The following HPS4 variants were observed in gnomAD, a reference collection of about 807,000 sequenced individuals.
The protein encoded by HPS4 is BLOC-3 complex member HPS4.
HPS4 carries 44 observed loss-of-function variants against 70.3 expected under a neutral mutation model. That is an observed-to-expected ratio of 0.63 (90% CI 0.49 to 0.80). HPS4 has a LOEUF of 0.80. Ranked by LOEUF, HPS4 falls within the 30% of genes least tolerant of loss-of-function variation. The pLI is 0.00. For synonymous variants in HPS4, 377 were observed against 355.9 expected, an observed-to-expected ratio of 1.06 and a Z score of -0.67; for missense variants, 873 against 884.4, an observed-to-expected ratio of 0.99 and a Z score of 0.16.
At chr22:26,443,352 G>A (rs745749553), downstream of HPS4, 222 of 648,640 alleles carry the variant, frequency 3.4e-4, 3 homozygotes, top group Middle Eastern at 6.2e-4. Flanking sequence ...ATATCATGTC[G>A]GGTCCCTCTT....
intron 7 of HPS4, among the ~76,000 whole-genome samples, chr22:26,469,381 G>A (rs777480059): frequency 4.9e-4 from 75 of 151,934 alleles, no homozygotes; most frequent in Non-Finnish European, 9.7e-4. Context: ...CCAAGAGGTC[G>A]AGGCTGTAGT....
At position 26,452,038 on chromosome 22, in the gene HPS4, A is replaced by C; in HGVS notation, c.*1195T>G. The C allele has an allele frequency of 3.2e-6, 1 of 317,434 alleles. No individual in the cohort carries two copies. The highest frequency in any genetic ancestry group is 2.3e-5 in the African/African-American group (1 of 42,844). The allele number at this position is 317,434 out of a possible 1,614,324, so 19.7% of individuals were successfully genotyped here. On this transcript the variant is annotated 3_prime_UTR_variant, in exon 14 of 14. Transcript: ENST00000398145. ...CACACACACACACACACACACACAC[A>C]CACACTGTCTTAACCCTTACCTTTG...
At chr22:26,483,800 C>T, upstream of HPS4, 1 of 1,052,400 alleles carries the variant, frequency 9.5e-7, no homozygotes, top group African/African-American at 1.7e-5. Flanking sequence ...GGTCACGCGC[C>T]GCCCCGCCTA....
chr22:26,443,406 T>G (rs1346477101), downstream of HPS4: 1 of 543,864 alleles, frequency 1.8e-6, no homozygotes, highest in Admixed American at 3.5e-5. Context: ...TTGTATTTCC[T>G]TAGATTTTTT....
intron 11 of HPS4, among the ~76,000 whole-genome samples, chr22:26,461,393 T>C (rs1466735633): frequency 6.6e-6 from 1 of 152,164 alleles, no homozygotes; most frequent in African/African-American, 2.4e-5. Flanking sequence ...AGCGGCTCTA[T>C]GCTGCCCCCT....
chr22:26,468,775 C>T (rs2089225505), intron 7 of HPS4, 152 bp from the exon 8 acceptor site: 1 of 702,014 alleles, frequency 1.4e-6, no homozygotes, highest in Admixed American at 2.1e-5. Flanking sequence ...AGAGGGCACT[C>T]TGGCAGTTCC....
chr22:26,472,170 C>T (rs1439155466), intron 6 of HPS4, 132 bp downstream of exon 6: 9 of 743,458 alleles, frequency 1.2e-5, no homozygotes, highest in African/African-American at 3.5e-5. Flanking sequence ...GGTGACCTGC[C>T]GTGTCATGGC....
In HPS4 at chr22:26,451,994, GCGCGCGCGCGCACACACACACACACACA is replaced by G. The variant is rs1306557932; in HGVS notation, c.*1211_*1238del. The G allele has an allele frequency of 2.0e-4, 14 of 71,792 alleles. No individual in the cohort carries two copies. Among genetic ancestry groups the G allele is most frequent in the East Asian group, 6.5e-4 (1 of 1,540 alleles). The allele number at this position is 71,792 out of a possible 1,614,324, so 4.4% of individuals were successfully genotyped here. Reference sequence around the variant, plus strand: ...AGGGATGCGCCCACGTTACGCGCGCGCGCGCGCGCGCACACACACACACACACACACACACACACACACACACACTGTC... The same window carrying G: ...AGGGATGCGCCCACGTTACGCGCGCGCACACACACACACACACACACTGTC... On this transcript the variant is annotated 3_prime_UTR_variant, in exon 14 of 14. Coordinates refer to ENST00000398145, the MANE Select transcript of HPS4 (RefSeq NM_022081.6).
At chr22:26,458,265 G>A (rs892998442) in intron 12 of HPS4, among the ~76,000 whole-genome samples, 180 bp downstream of exon 12, 26 of 152,226 alleles carry the variant, frequency 1.7e-4, no homozygotes, top group African/African-American at 6.3e-4. Flanking sequence ...GCAGAGAAGC[G>A]TCTGCCCAGT....
Position 26,464,119 on chromosome 22 carries a change from G to C in HPS4, c.1511C>G (p.Pro504Arg), listed in dbSNP as rs774532334. The C allele has an allele frequency of 2.5e-6, 4 of 1,614,146 alleles. No homozygotes were observed. The highest frequency in any genetic ancestry group is 3.4e-6 in the Non-Finnish European group (4 of 1,180,060). ...TGAGCCTGAACTGCATTCCAGACCA[G>C]GGGCTGCGTGGCTTTCACAGACCCC... ...VDGVCESHAA[P>R]GLECSSGSAN... The change falls in exon 11 of 14, where the codon CCT (proline) becomes CGT (arginine). Residue 504 changes from proline (P) to arginine (R), a missense_variant. Pro to Arg is a moderately radical substitution (Grantham distance 103). Coordinates refer to ENST00000398145, the MANE Select transcript of HPS4 (RefSeq NM_022081.6).
At chr22:26,476,739 C>G (rs1196494913) in intron 4 of HPS4, 1 of 474,444 alleles carries the variant, frequency 2.1e-6, no homozygotes, top group Non-Finnish European at 3.9e-6. Flanking sequence ...AGAATTTCCA[C>G]AAGTTGGCCT....
At chr22:26,483,162 T>C (rs975787669) in intron 1 of HPS4, among the ~76,000 whole-genome samples, 4 of 152,186 alleles carry the variant, frequency 2.6e-5, no homozygotes, top group East Asian at 3.9e-4. Context: ...TTGTATTCTA[T>C]GGAGCATATT....
intron 11 of HPS4, among the ~76,000 whole-genome samples, chr22:26,461,905 T>C (rs528922981): frequency 6.6e-6 from 1 of 152,166 alleles, no homozygotes; most frequent in East Asian, 1.9e-4. Flanking sequence ...GGCGGGCAGA[T>C]TACCTGAGGT....
Position 26,457,903 on chromosome 22 carries a change from A to G in HPS4, c.1911T>C (p.His637=). ...RRFLQAVSLM[H]SEFAQLPALY... is the part of the protein sequence containing the mutation. ...GCGCGGGCAGCTGGGCAAATTCGCTATGCATCAGGCTGACGGCCTGGAGGA... is the reference window on the plus strand; with the variant it reads ...GCGCGGGCAGCTGGGCAAATTCGCTGTGCATCAGGCTGACGGCCTGGAGGA... Residue 637 remains histidine, a synonymous_variant, in exon 13 of 14, where the codon CAT becomes CAC. Coordinates refer to ENST00000398145, the MANE Select transcript of HPS4 (RefSeq NM_022081.6). The G allele has an allele frequency of 2.5e-6, 4 of 1,614,224 alleles. No individual in the cohort carries two copies. Among genetic ancestry groups the G allele is most frequent in the Non-Finnish European group, 3.4e-6 (4 of 1,180,028 alleles).
intron 13 of HPS4, among the ~76,000 whole-genome samples, chr22:26,456,724 A>G (rs2086204099): frequency 6.6e-6 from 1 of 150,788 alleles, no homozygotes; most frequent in Non-Finnish European, 1.5e-5. Context: ...TAATATACAC[A>G]TTGCCAGCAC....
chr22:26,480,114 T>C (rs989409665), intron 2 of HPS4, among the ~76,000 whole-genome samples: 6 of 152,204 alleles, frequency 3.9e-5, no homozygotes, highest in Admixed American at 1.3e-4. Flanking sequence ...TATTACGTAA[T>C]GTTATTATCT....
At chr22:26,444,267 C>T (rs1357305926) in exon 4 of HPS4, 1 of 150,174 alleles carries the variant, frequency 6.7e-6, no homozygotes, top group South Asian at 2.1e-4. Flanking sequence ...CATAAATGTT[C>T]AAACACTAGA....
rs1448473229 is a variant in HPS4, at chr22:26,479,373, T to C, written c.42-18A>G. Reference sequence around the variant, plus strand: ...AATTCCACCTGGCAAGAGAACAGAGTGGAGCCATGTTTCCTTTAATCCAGT... The same window carrying C: ...AATTCCACCTGGCAAGAGAACAGAGCGGAGCCATGTTTCCTTTAATCCAGT... On this transcript the variant is annotated intron_variant, in intron 2 of 13. Transcript: ENST00000398145. 10 of 1,613,064 alleles carry C rather than the reference T, an allele frequency of 6.2e-6. No individual in the cohort carries two copies. Among genetic ancestry groups the C allele is most frequent in the Non-Finnish European group, 8.5e-6 (10 of 1,179,516 alleles).
downstream of HPS4, among the ~76,000 whole-genome samples, chr22:26,450,656 A>G (rs2085119350): frequency 6.6e-6 from 1 of 152,024 alleles, no homozygotes; most frequent in Admixed American, 6.6e-5. Context: ...CGTGGGAGGG[A>G]CCTGGTGGGA....
Sources: gnomAD v4.1 joint callset for allele counts (sites outside exome capture counted in the v4.1 genomes callset) on GRCh38, gnomAD v4.1.1 for gene constraint, MANE v1.5 for transcripts, NCBI Gene and HGNC (gene_info 2026-07-23, HGNC 2026-07-21) for gene names.